The following CENPI variants were observed in gnomAD, a reference collection of about 807,000 sequenced individuals.
CENPI encodes the protein FSH primary response 1.
CENPI carries 4 observed loss-of-function variants against 60.4 expected under a neutral mutation model. That is an observed-to-expected ratio of 0.07 (90% confidence interval 0.03 to 0.15). CENPI has a LOEUF of 0.15. CENPI is among the 10% of genes least tolerant of loss of function. CENPI has a pLI of 1.00. For synonymous variants in CENPI, 157 were observed against 189.4 expected, an observed-to-expected ratio of 0.83 and a Z score of 1.40; for missense variants, 444 against 534.5, an observed-to-expected ratio of 0.83 and a Z score of 1.67.
chrX:101,124,059 A>C (rs776685665), intron 8 of CENPI, among the ~76,000 whole-genome samples: 1 of 106,130 alleles, frequency 9.4e-6, no homozygotes, highest in Non-Finnish European at 1.9e-5. Flanking sequence ...TTCCTGTCTT[A>C]TGTGGTTGCA....
At chrX:101,157,670 G>C (rs1205981134) in intron 20 of CENPI, among the ~76,000 whole-genome samples, 7 of 100,160 alleles carry the variant, frequency 7.0e-5, no homozygotes, top group African/African-American at 2.2e-4. Context: ...AAAAAAAAAA[G>C]GACTTTTTTT....
rs1407338219 is a variant in CENPI at position 101,120,390 on chromosome X, A to G, written c.592-12A>G. 3.5e-6 allele frequency: 3 copies of G among 848,544 alleles called. No homozygotes were observed. The Middle Eastern group carries it at 8.3e-4, about 236-fold the overall frequency. 69.9% of individuals were successfully genotyped at this position (848,544 alleles called of 1,213,427 possible). On this transcript the variant is annotated splice_polypyrimidine_tract_variant and intron_variant, in intron 6 of 21. Transcript: ENST00000682095. ...TTATCATTTCTCTTAATATTTTTTT[A>G]TGTTTTAACAGTGCCCTTATGTTTG...
At chrX:101,177,808 G>A in the CENPI span, among the ~76,000 whole-genome samples, 2 of 112,102 alleles carry the variant, frequency 1.8e-5, no homozygotes, top group Non-Finnish European at 3.8e-5. Context: ...TTGCACTTTA[G>A]CCCTCGTGGC....
chrX:101,129,062 A>T (rs2089767497), intron 12 of CENPI, among the ~76,000 whole-genome samples: 1 of 111,893 alleles, frequency 8.9e-6, no homozygotes, highest in African/African-American at 3.2e-5. Flanking sequence ...GGGTGGCTCC[A>T]CTTTGATGAC....
chrX:101,180,203 C>A, the CENPI span, among the ~76,000 whole-genome samples: 1 of 111,497 alleles, frequency 9.0e-6, no homozygotes, highest in African/African-American at 3.3e-5. Context: ...GTGGCATGAT[C>A]GTGGCTCACT....
At chrX:101,111,903 A>G (rs113789408) in intron 6 of CENPI, among the ~76,000 whole-genome samples, 30,656 of 110,220 alleles carry the variant, frequency 0.28, 3,347 homozygotes, top group African/African-American at 0.36. Context: ...ATGGTGGCAC[A>G]TGCCTGTAGT....
At chrX:101,162,471 A>ATATATATATATATATATATATATAT (rs1182467283) in intron 21 of CENPI, among the ~76,000 whole-genome samples, 3 of 76,278 alleles carry the variant, frequency 3.9e-5, no homozygotes, top group African/African-American at 1.8e-4. Context: ...AAAAAAAAAA[A>ATATATATATATATATATATATATAT]AAATATATAT....
At chrX:101,131,842 C>T (rs767309021) in intron 13 of CENPI, among the ~76,000 whole-genome samples, 4 of 111,784 alleles carry the variant, frequency 3.6e-5, no homozygotes, top group East Asian at 5.6e-4. Context: ...AGCCCTATTA[C>T]ATAATATTGT....
At chrX:101,102,928 G>C (rs1180127923) in intron 4 of CENPI, among the ~76,000 whole-genome samples, 3 of 104,669 alleles carry the variant, frequency 2.9e-5, no homozygotes, top group Non-Finnish European at 3.9e-5. Flanking sequence ...CTGACCTCGT[G>C]ATCCGCCTGC....
intron 16 of CENPI, among the ~76,000 whole-genome samples, chrX:101,141,829 C>T (rs1485935824): frequency 9.0e-6 from 1 of 110,963 alleles, no homozygotes; most frequent in East Asian, 2.8e-4. Flanking sequence ...ACCTCCCAGG[C>T]TCAAGCAATC....
At chrX:101,145,813 T>C (rs780693193) in intron 17 of CENPI, among the ~76,000 whole-genome samples, 2 of 110,006 alleles carry the variant, frequency 1.8e-5, no homozygotes, top group Non-Finnish European at 3.8e-5. Context: ...GCTCCTTTGT[T>C]TTCTAGGTTG....
chrX:101,162,473 A>AATATATATATAT (rs1556409815), intron 21 of CENPI, among the ~76,000 whole-genome samples: 2 of 68,127 alleles, frequency 2.9e-5, no homozygotes, highest in African/African-American at 1.4e-4. Context: ...AAAAAAAAAA[A>AATATATATATAT]ATATATATAT....
In CENPI at chrX:101,110,006, A is replaced by C; in HGVS notation, c.591+8A>C. 1 of 1,090,028 alleles carries C rather than the reference A, an allele frequency of 9.2e-7. No homozygotes were observed. The allele number at this position is 1,090,028 out of a possible 1,213,427, so 89.8% of individuals were successfully genotyped here. ...TTGCAAGATGATGCACTGGTAAGTA[A>C]AAATTGGACAGCATTAGGCATCAAT... On this transcript the variant is annotated splice_region_variant and intron_variant, in intron 6 of 21. Transcript: ENST00000682095.
chrX:101,171,530 A>T, the CENPI span, among the ~76,000 whole-genome samples: 1 of 111,623 alleles, frequency 9.0e-6, no homozygotes, highest in African/African-American at 3.3e-5. Flanking sequence ...TTGATCTTCC[A>T]GGCTCACTCA....
chrX:101,151,748 C>T (rs764582037), intron 20 of CENPI, among the ~76,000 whole-genome samples: 29 of 106,228 alleles, frequency 2.7e-4, no homozygotes, highest in Non-Finnish European at 4.8e-4. Flanking sequence ...GCATGAGAAT[C>T]GCTTGAACCC....
intron 18 of CENPI, among the ~76,000 whole-genome samples, 189 bp from the exon 19 acceptor site, chrX:101,147,574 T>C (rs1185539657): frequency 8.9e-6 from 1 of 112,106 alleles, no homozygotes; most frequent in Non-Finnish European, 1.9e-5. Flanking sequence ...TTATTGAGCC[T>C]CTATTTTCAC....
intron 4 of CENPI, among the ~76,000 whole-genome samples, chrX:101,103,805 C>T (rs977519005): frequency 1.8e-5 from 2 of 111,776 alleles, no homozygotes; most frequent in Non-Finnish European, 3.8e-5. Context: ...TAACCAGTTA[C>T]CATATATCAT....
intron 17 of CENPI, 129 bp downstream of exon 17, chrX:101,145,328 C>T: frequency 1.9e-6 from 1 of 538,598 alleles, no homozygotes. Context: ...AAAATAACCT[C>T]ACATTTTGAA....
chrX:101,146,198 T>C lies in CENPI; in HGVS notation c.1747T>C (p.Phe583Leu), dbSNP rs762547753. ...TTATAACCTTCCATTAGTGGTATTG[T>C]TTCCTCCTGGGATCTTCTATTCTGC... ...INYNLPLVVL[F>L]PPGIFYSALL... The change falls in exon 18 of 22, where the codon TTT (phenylalanine) becomes CTT (leucine). Residue 583 changes from phenylalanine (F) to leucine (L), a missense_variant. Physicochemically the swap from Phe to Leu is conservative, Grantham distance 22. Coordinates refer to ENST00000682095, the MANE Select transcript of CENPI (RefSeq NM_001386188.2). The C allele has an allele frequency of 5.0e-6, 6 of 1,201,182 alleles. No individual in the cohort carries two copies. The Admixed American group carries it at 6.6e-5, about 13-fold the overall frequency.
Sources: gnomAD v4.1 joint callset for allele counts (sites outside exome capture counted in the v4.1 genomes callset) on GRCh38, gnomAD v4.1.1 for gene constraint, MANE v1.5 for transcripts, NCBI Gene and HGNC (gene_info 2026-07-23, HGNC 2026-07-21) for gene names.